KAT14: variants seen among roughly 807,000 people sequenced by gnomAD.
The protein encoded by KAT14 is cysteine-rich protein 2-binding protein.
KAT14 carries 66 observed loss-of-function variants against 78.4 expected under a neutral mutation model. The observed-to-expected ratio is 0.84, with a 90% CI of 0.69 to 1.03. The LOEUF (loss-of-function observed/expected upper bound fraction) is 1.03. Ranked by LOEUF, KAT14 falls within the 50% of genes least tolerant of loss-of-function variation. KAT14 has a pLI of 0.00. For missense variants in KAT14, 870 were observed against 972.5 expected (o/e 0.89, Z 1.40); for synonymous variants, 344 against 359.4 (o/e 0.96, Z 0.48).
rs1454290018 is a variant in KAT14 at position 18,159,168 on chromosome 20, A to G, written c.585A>G (p.Glu195=). The change falls in exon 5 of 11, where the codon GAA becomes GAG. Residue 195 remains glutamate (E), a synonymous_variant. Transcript: ENST00000688188. ...SPMYFRSGAQ[E]FGEPGWWKLV... is the part of the protein sequence containing the mutation. ...TGTACTTCCGTTCAGGTGCTCAGGAATTTGGAGAGCCAGGATGGTGGAAAC... is the reference window on the plus strand; with the variant it reads ...TGTACTTCCGTTCAGGTGCTCAGGAGTTTGGAGAGCCAGGATGGTGGAAAC... 1.9e-6 allele frequency: 3 copies of G among 1,613,998 alleles called. No homozygotes were observed. Among genetic ancestry groups the G allele is most frequent in the African/African-American group, 1.3e-5 (1 of 74,926 alleles).
At chr20:18,181,026 C>T (rs971130072) in intron 7 of KAT14, among the ~76,000 whole-genome samples, 1 of 152,056 alleles carries the variant, frequency 6.6e-6, no homozygotes, top group Non-Finnish European at 1.5e-5. Flanking sequence ...GTGTGTGTTA[C>T]CTACTTGATA....
chr20:18,141,232 T>C (rs2037563815), intron 1 of KAT14, among the ~76,000 whole-genome samples: 1 of 151,870 alleles, frequency 6.6e-6, no homozygotes, highest in Non-Finnish European at 1.5e-5. Flanking sequence ...AAATGTTAGT[T>C]ATTAGTAATG....
rs2039488203 is a variant in KAT14 at position 18,187,523 on chromosome 20, A to G, written c.*64A>G. 1.3e-6 allele frequency: 2 copies of G among 1,597,414 alleles called. No homozygotes were observed. The highest frequency in any genetic ancestry group is 2.3e-5 in the East Asian group (1 of 44,328). Reference sequence around the variant, plus strand: ...AGAACAGGTCTTTGTGGAGATCTAAAGGCAGTGATTGATTTCACAGGGAGC... The same window carrying G: ...AGAACAGGTCTTTGTGGAGATCTAAGGGCAGTGATTGATTTCACAGGGAGC... On this transcript the variant is annotated 3_prime_UTR_variant, in exon 11 of 11. Transcript: ENST00000688188.
intron 3 of KAT14, among the ~76,000 whole-genome samples, chr20:18,146,128 A>G (rs144539233): frequency 7.0e-4 from 106 of 152,334 alleles, no homozygotes; most frequent in African/African-American, 2.4e-3. Context: ...GCTGTATCCT[A>G]AACAATAGCT....
In KAT14 at chr20:18,181,770, G is replaced by A; in HGVS notation, c.1729G>A (p.Val577Ile). 1 of 1,614,178 alleles carries A rather than the reference G, an allele frequency of 6.2e-7. No individual in the cohort carries two copies. Among genetic ancestry groups the A allele is most frequent in the Middle Eastern group, 1.6e-4 (1 of 6,062 alleles). ...GACCACCAAGTTTTTGTATCGCTTG[G>A]TAGGATCAGAAGATATGGCTGTGGA... is the stretch of plus-strand genomic sequence containing the variant. The part of the protein sequence containing the change: ...HQTTKFLYRL[V>I]GSEDMAVDQS... The change falls in exon 8 of 11, where the codon GTA becomes ATA. Residue 577 changes from valine (V) to isoleucine (I), a missense_variant. Physicochemically the swap from Val to Ile is conservative, Grantham distance 29. Transcript: ENST00000688188.
chr20:18,170,457 T>A (rs551390952), intron 7 of KAT14, among the ~76,000 whole-genome samples: 1 of 152,362 alleles, frequency 6.6e-6, no homozygotes, highest in East Asian at 1.9e-4. Context: ...CAGCAAAGCT[T>A]GGATGACAGC....
At position 18,142,443 on chromosome 20, in the gene KAT14, T is replaced by C. The variant is rs1038059044; in HGVS notation, c.-218T>C. 1 of 1,461,938 alleles carries C rather than the reference T, an allele frequency of 6.8e-7. No individual in the cohort carries two copies. Among genetic ancestry groups the C allele is most frequent in the South Asian group, 1.4e-5 (1 of 69,446 alleles). The allele number at this position is 1,461,938 out of a possible 1,614,324, so 90.6% of individuals were successfully genotyped here. A position where few individuals can be genotyped will look rare whatever the true frequency, so the allele number is the denominator to read the frequency against. ...AGTAGCTTAGTAGTATCTTCATCTT[T>C]TTTTTTGGTCACTGTCCTTTTAAAC... On this transcript the variant is annotated 5_prime_UTR_variant, in exon 2 of 11. Transcript: ENST00000688188.
chr20:18,138,323 T>A lies in KAT14; in HGVS notation c.-454+272T>A. On this transcript the variant is annotated intron_variant, in intron 1 of 10. Transcript: ENST00000688188. ...TTTGGAGCTCCGCGCTGAAGGGGCC[T>A]TGCTCCGCACAGGCACGGCACGCAA... 2 of 1,148,180 alleles carry A rather than the reference T, an allele frequency of 1.7e-6. 1 individual carries two copies. Among genetic ancestry groups the A allele is most frequent in the East Asian group, 8.6e-5 (2 of 23,350 alleles). 71.1% of individuals were successfully genotyped at this position (1,148,180 alleles called of 1,614,324 possible). A position where few individuals can be genotyped will look rare whatever the true frequency, so the allele number is the denominator to read the frequency against.
intron 1 of KAT14, among the ~76,000 whole-genome samples, chr20:18,140,070 A>G (rs1382516486): frequency 6.6e-6 from 1 of 152,146 alleles, no homozygotes; most frequent in Non-Finnish European, 1.5e-5. Flanking sequence ...GAAGATAGCA[A>G]ATGATGGGAT....
intron 4 of KAT14, among the ~76,000 whole-genome samples, chr20:18,151,913 G>A (rs1324082319): frequency 6.7e-6 from 1 of 149,812 alleles, no homozygotes; most frequent in Admixed American, 6.7e-5. Flanking sequence ...TGAGGCAGGA[G>A]AATTGCTTGA....
intron 7 of KAT14, among the ~76,000 whole-genome samples, chr20:18,173,402 T>C (rs2038923109): frequency 6.6e-6 from 1 of 152,218 alleles, no homozygotes; most frequent in Non-Finnish European, 1.5e-5. Context: ...TCTCATGTCT[T>C]TTACGGATCT....
chr20:18,143,038 C>A, intron 2 of KAT14, 119 bp downstream of exon 2: 1 of 1,448,888 alleles, frequency 6.9e-7, no homozygotes, highest in Non-Finnish European at 9.1e-7. Context: ...TATATTTATT[C>A]TCTAGTTGAT....
intron 7 of KAT14, among the ~76,000 whole-genome samples, chr20:18,168,111 A>G (rs985054668): frequency 6.6e-6 from 1 of 152,100 alleles, no homozygotes; most frequent in African/African-American, 2.4e-5. Flanking sequence ...TCACTTTTTC[A>G]TTTAAATGAT....
intron 2 of KAT14, 123 bp from the exon 3 acceptor site, chr20:18,145,110 G>C (rs892896738): frequency 3.5e-6 from 5 of 1,429,240 alleles, no homozygotes; most frequent in Non-Finnish European, 4.6e-6. Flanking sequence ...TTTTGCAATT[G>C]TGGGTTGGCT....
rs555727127 is a variant in KAT14, at chr20:18,185,192, T to G, written c.2172+400T>G. 5.3e-5 allele frequency among the ~76,000 whole-genome samples: 8 copies of G among 152,288 alleles called. No individual in the cohort carries two copies. In the East Asian group the frequency reaches 1.5e-3, roughly 29 times the overall value. ...TATTTTTTTAAATATTTGTAAACAT[T>G]TTAGCACAACTGTATCAATAAGAAT... is the stretch of plus-strand genomic sequence containing the variant. On this transcript the variant is annotated intron_variant, in intron 10 of 10. Coordinates refer to ENST00000688188, the MANE Select transcript of KAT14 (RefSeq NM_001392073.1).
At chr20:18,176,795 A>G (rs2039067736) in intron 7 of KAT14, among the ~76,000 whole-genome samples, 1 of 152,028 alleles carries the variant, frequency 6.6e-6, no homozygotes. Context: ...ATATGGTAGG[A>G]AGCCATGTCA....
chr20:18,143,713 C>T (rs1024874105), intron 2 of KAT14, among the ~76,000 whole-genome samples: 14 of 151,390 alleles, frequency 9.2e-5, no homozygotes, highest in Non-Finnish European at 1.8e-4. Flanking sequence ...CTGCAACCTC[C>T]GTCTCCCAGG....
rs1489210092 is a variant in KAT14 at position 18,158,773 on chromosome 20, TG to T, written c.501-310del. 3.3e-5 allele frequency among the ~76,000 whole-genome samples: 5 copies of T among 152,202 alleles called. No homozygotes were observed. The East Asian group carries it at 9.6e-4, about 29-fold the overall frequency. On this transcript the variant is annotated intron_variant, in intron 4 of 10. Coordinates refer to ENST00000688188, the MANE Select transcript of KAT14 (RefSeq NM_001392073.1). ...ATTAGCCTGTAGAATTCCATAATCG[TG>T]ATGATTGTGATGAGAAGTATTTCAC...
In KAT14 at chr20:18,145,367, T is replaced by C. The variant is rs2037787574; in HGVS notation, c.378+16T>C. 6.2e-7 allele frequency: 1 copy of C among 1,613,502 alleles called. No individual in the cohort carries two copies. The highest frequency in any genetic ancestry group is 1.3e-5 in the African/African-American group (1 of 74,906). On this transcript the variant is annotated intron_variant, in intron 3 of 10. Transcript: ENST00000688188. ...ATGGCAGCAAGTGAGTAAAAAGCCC[T>C]TCCCCAAATCCATGAGGGTGGTTCC...
Sources: allele counts gnomAD v4.1 joint callset (sites outside exome capture counted in the v4.1 genomes callset), GRCh38; gene constraint gnomAD v4.1.1; transcripts MANE v1.5; gene names NCBI Gene and HGNC (gene_info 2026-07-23, HGNC 2026-07-21).